JAK1: variants seen among roughly 807,000 people sequenced by gnomAD.
JAK1 encodes Janus kinase 1, also known as tyrosine-protein kinase JAK1.
In JAK1, 16 loss-of-function variants were observed where a neutral mutation model predicts 136.6. The observed-to-expected ratio is 0.12, with a 90% confidence interval of 0.08 to 0.18. JAK1 has a LOEUF of 0.18. JAK1 is among the 10% of genes least tolerant of loss of function. The pLI, the probability that JAK1 is intolerant of heterozygous loss-of-function variation, is 1.00. For missense variants in JAK1, 859 were observed against 1,450.1 expected (o/e 0.59, Z 6.62); for synonymous variants, 492 against 519.5 (o/e 0.95, Z 0.72).
At chr1:64,970,134 CAAAAAAA>C (rs1232133832), upstream of JAK1, among the ~76,000 whole-genome samples, 5 of 49,510 alleles carry the variant, frequency 1.0e-4, no homozygotes, top group East Asian at 9.4e-4. Context: ...GACCCTGTCT[CAAAAAAA>C]AAAAAAAAAA....
chr1:64,890,856 C>T (rs1644924829), intron 1 of JAK1, among the ~76,000 whole-genome samples: 1 of 152,194 alleles, frequency 6.6e-6, no homozygotes, highest in Non-Finnish European at 1.5e-5. Context: ...CACAGCAAAG[C>T]AGTTAAGAGC....
chr1:64,873,717 C>T (rs1161877312), intron 4 of JAK1, among the ~76,000 whole-genome samples, 194 bp from the exon 5 acceptor site: 2 of 152,134 alleles, frequency 1.3e-5, no homozygotes, highest in Non-Finnish European at 2.9e-5. Flanking sequence ...CCCATCAGCA[C>T]CTCCTCTATG....
At chr1:64,883,635 C>A (rs1326352475) in intron 2 of JAK1, among the ~76,000 whole-genome samples, 160 bp from the exon 3 acceptor site, 1 of 151,956 alleles carries the variant, frequency 6.6e-6, no homozygotes, top group Admixed American at 6.5e-5. Context: ...CCAAACATGT[C>A]AGATCTCATA....
At chr1:64,916,081 C>T (rs1021032881) in intron 1 of JAK1, among the ~76,000 whole-genome samples, 7 of 152,166 alleles carry the variant, frequency 4.6e-5, no homozygotes, top group Admixed American at 3.3e-4. Context: ...AGTTCACAAG[C>T]CCGAGGCACA....
At chr1:64,940,108 A>G (rs1645861097) in intron 1 of JAK1, among the ~76,000 whole-genome samples, 1 of 152,208 alleles carries the variant, frequency 6.6e-6, no homozygotes, top group African/African-American at 2.4e-5. Context: ...CACTACACAC[A>G]GGCATACTGA....
chr1:64,920,396 T>G (rs1645473978), intron 1 of JAK1, among the ~76,000 whole-genome samples: 1 of 151,894 alleles, frequency 6.6e-6, no homozygotes, highest in Admixed American at 6.6e-5. Flanking sequence ...AAAAATTAGC[T>G]GGGTGTGGTG....
intron 2 of JAK1, among the ~76,000 whole-genome samples, chr1:65,017,338 A>C (rs1646899417): frequency 6.6e-6 from 1 of 151,922 alleles, no homozygotes; most frequent in Admixed American, 6.6e-5. Flanking sequence ...GCATGGTGGC[A>C]CAGCCTGTAG....
At chr1:64,888,456 AG>A (rs1644885327) in intron 1 of JAK1, among the ~76,000 whole-genome samples, 1 of 152,252 alleles carries the variant, frequency 6.6e-6, no homozygotes, top group African/African-American at 2.4e-5. Context: ...CTGGGATTAC[AG>A]GCGTGAGCCA....
At chr1:64,892,208 G>A (rs1363370166) in intron 1 of JAK1, among the ~76,000 whole-genome samples, 3 of 152,118 alleles carry the variant, frequency 2.0e-5, no homozygotes, top group African/African-American at 7.2e-5. Context: ...CAGGGTCAAA[G>A]ACTTGGTGGC....
chr1:64,923,756 C>T (rs932006264), intron 1 of JAK1, among the ~76,000 whole-genome samples: 1 of 152,178 alleles, frequency 6.6e-6, no homozygotes, highest in African/African-American at 2.4e-5. Flanking sequence ...CTTTCCCCCA[C>T]AGATTTCTCT....
At chr1:65,060,258 T>C (rs754067166) in intron 1 of JAK1, among the ~76,000 whole-genome samples, 1 of 152,144 alleles carries the variant, frequency 6.6e-6, no homozygotes, top group Non-Finnish European at 1.5e-5. Flanking sequence ...AGAGTAAAAT[T>C]TTAGATAGCT....
chr1:64,914,675 T>A (rs1645361342), intron 1 of JAK1, among the ~76,000 whole-genome samples: 1 of 152,204 alleles, frequency 6.6e-6, no homozygotes, highest in African/African-American at 2.4e-5. Flanking sequence ...GTGATTCTCC[T>A]GCCTCAGTCT....
intron 6 of JAK1, among the ~76,000 whole-genome samples, chr1:64,868,013 A>AGAGAGAGAGAGAGAGT (rs1557648915): frequency 6.7e-6 from 1 of 149,812 alleles, no homozygotes; most frequent in Non-Finnish European, 1.5e-5. Flanking sequence ...CACAAAAAAG[A>AGAGAGAGAGAGAGAGT]GAGAGAGAGA....
intron 3 of JAK1, among the ~76,000 whole-genome samples, chr1:64,882,829 A>C (rs566674276): frequency 6.6e-6 from 1 of 152,302 alleles, no homozygotes; most frequent in South Asian, 2.1e-4. Flanking sequence ...ACGGCAGCAG[A>C]AGGAGGGGTC....
chr1:65,041,486 G>A (rs1178313645), intron 2 of JAK1, among the ~76,000 whole-genome samples: 7 of 151,610 alleles, frequency 4.6e-5, no homozygotes, highest in Non-Finnish European at 8.8e-5. Flanking sequence ...TATGCCTAGC[G>A]ACCCACCTGT....
chr1:64,923,306 GTC>G (rs1240749419), intron 1 of JAK1, among the ~76,000 whole-genome samples: 34 of 152,218 alleles, frequency 2.2e-4, no homozygotes, highest in African/African-American at 8.2e-4. Context: ...GGCTCTCTGC[GTC>G]TCTAACTTCC....
chr1:64,985,516 G>A, intron 2 of JAK1: 2 of 1,526,960 alleles, frequency 1.3e-6, no homozygotes, highest in South Asian at 2.3e-5. Flanking sequence ...AGCATAGCAG[G>A]AGAGATGGGA....
intron 2 of JAK1, chr1:64,979,435 G>C (rs553581990): frequency 6.6e-6 from 1 of 152,120 alleles, no homozygotes; most frequent in Non-Finnish European, 1.5e-5. Flanking sequence ...AAATAGAAAA[G>C]AATTAGATGT....
chr1:64,890,281 T>A (rs928887588), intron 1 of JAK1, among the ~76,000 whole-genome samples: 25 of 151,884 alleles, frequency 1.6e-4, no homozygotes, highest in African/African-American at 5.8e-4. Context: ...TAGTGCTTTA[T>A]CCTCAGCACA....
Sources: allele counts gnomAD v4.1 joint callset (sites outside exome capture counted in the v4.1 genomes callset), GRCh38; gene constraint gnomAD v4.1.1; transcripts MANE v1.5; gene names NCBI Gene and HGNC (gene_info 2026-07-23, HGNC 2026-07-21).